RFX6: variants seen among roughly 807,000 people sequenced by gnomAD.
RFX6 encodes DNA-binding protein RFX6.
In RFX6, 50 loss-of-function variants were observed where a neutral mutation model predicts 110.8. That is an observed-to-expected ratio of 0.45 (90% CI 0.36 to 0.57). The LOEUF (loss-of-function observed/expected upper bound fraction) is 0.57. RFX6 is among the 20% of genes least tolerant of loss of function. The pLI is 0.00. For synonymous variants in RFX6, 383 were observed against 411.2 expected (o/e 0.93, Z 0.83); for missense variants, 990 against 1,127.0 (o/e 0.88, Z 1.74).
At chr6:116,890,574 T>C (rs577356796) in intron 4 of RFX6, among the ~76,000 whole-genome samples, 1 of 152,150 alleles carries the variant, frequency 6.6e-6, no homozygotes, top group South Asian at 2.1e-4. Flanking sequence ...GGCATGTATA[T>C]AAGATTGTAT....
intron 6 of RFX6, among the ~76,000 whole-genome samples, chr6:116,901,061 A>C (rs1389743840): frequency 1.3e-5 from 2 of 152,218 alleles, no homozygotes; most frequent in Admixed American, 1.3e-4. Context: ...TTAATAAATT[A>C]TGAGTTATTT....
Position 116,919,260 on chromosome 6 carries a change from T to C in RFX6, c.1146T>C (p.Ser382=). The part of the protein sequence containing the change: ...KIPIVRRFVS[S]LKRQTSFLHL... ...CTATTGTGCGAAGATTTGTATCTTCTCTGAAACGACAAACATCTTTCTTAC... is the reference window on the plus strand; with the variant it reads ...CTATTGTGCGAAGATTTGTATCTTCCCTGAAACGACAAACATCTTTCTTAC... The change falls in exon 11 of 19, where the codon TCT becomes TCC. Residue 382 remains serine (S), a synonymous_variant. Transcript: ENST00000332958. 6.2e-7 allele frequency: 1 copy of C among 1,613,556 alleles called. No individual in the cohort carries two copies. The highest frequency in any genetic ancestry group is 8.5e-7 in the Non-Finnish European group (1 of 1,179,570).
At position 116,919,263 on chromosome 6, in the gene RFX6, G is replaced by C; in HGVS notation, c.1149G>C (p.Leu383=). 6.2e-7 allele frequency: 1 copy of C among 1,613,550 alleles called. No homozygotes were observed. The highest frequency in any genetic ancestry group is 8.5e-7 in the Non-Finnish European group (1 of 1,179,594). The change falls in exon 11 of 19, where the codon CTG becomes CTC. Residue 383 remains leucine, a synonymous_variant. Transcript: ENST00000332958. ...TTGTGCGAAGATTTGTATCTTCTCT[G>C]AAACGACAAACATCTTTCTTACATC... ...IPIVRRFVSS[L]KRQTSFLHLA...
At chr6:116,900,031 G>A (rs919899107) in intron 6 of RFX6, among the ~76,000 whole-genome samples, 4 of 152,084 alleles carry the variant, frequency 2.6e-5, no homozygotes, top group African/African-American at 9.7e-5. Flanking sequence ...AACGCATGAA[G>A]AAAGGAGTAC....
chr6:116,895,088 G>A (rs1774914482), intron 5 of RFX6, 92 bp from the exon 6 acceptor site: 1 of 684,238 alleles, frequency 1.5e-6, no homozygotes, highest in Non-Finnish European at 2.6e-6. Context: ...ATCATGGTAT[G>A]AAATTACTGC....
At chr6:116,927,579 G>A (rs1184906436) in intron 17 of RFX6, 40 bp downstream of exon 17, 2 of 1,552,662 alleles carry the variant, frequency 1.3e-6, no homozygotes, top group African/African-American at 2.7e-5. Context: ...TTTTTGAGAT[G>A]GCAATGAGGC....
intron 7 of RFX6, among the ~76,000 whole-genome samples, chr6:116,915,561 C>G (rs564736813): frequency 6.6e-6 from 1 of 152,178 alleles, no homozygotes; most frequent in African/African-American, 2.4e-5. Context: ...CCATACTGCT[C>G]CAAGCATCCA....
intron 6 of RFX6, among the ~76,000 whole-genome samples, chr6:116,908,669 TAC>T (rs753592440): frequency 0.11 from 11,390 of 102,034 alleles, 461 homozygotes; most frequent in Admixed American, 0.19. Context: ...ATTTCTAGCA[TAC>T]ACACACACAC....
chr6:116,927,997 G>A (rs1434337020), intron 17 of RFX6, among the ~76,000 whole-genome samples: 1 of 150,746 alleles, frequency 6.6e-6, no homozygotes, highest in East Asian at 1.9e-4. Context: ...TCTCTCCTTG[G>A]CTTCCCAAAA....
intron 6 of RFX6, among the ~76,000 whole-genome samples, chr6:116,907,223 G>A (rs188533269): frequency 1.0e-3 from 156 of 151,996 alleles, no homozygotes; most frequent in African/African-American, 3.6e-3. Flanking sequence ...TATTTATGGT[G>A]TGTAATCCTG....
intron 7 of RFX6, 25 bp downstream of exon 7, chr6:116,911,067 T>C (rs1434907851): frequency 6.8e-7 from 1 of 1,467,636 alleles, no homozygotes; most frequent in South Asian, 1.1e-5. Flanking sequence ...TACTTCTCTA[T>C]TGATTTTCTG....
intron 6 of RFX6, among the ~76,000 whole-genome samples, chr6:116,903,950 T>G (rs1335702761): frequency 2.6e-5 from 4 of 152,004 alleles, no homozygotes; most frequent in Non-Finnish European, 5.9e-5. Flanking sequence ...GATATACTCA[T>G]CTTTAACTTT....
At chr6:116,931,269 C>A in intron 18 of RFX6, 62 bp from the exon 19 acceptor site, 1 of 1,212,910 alleles carries the variant, frequency 8.2e-7, no homozygotes, top group Non-Finnish European at 1.2e-6. Flanking sequence ...AAATGAGTGG[C>A]ATTTGCAGAG....
chr6:116,889,850 A>G (rs558866749), intron 4 of RFX6, among the ~76,000 whole-genome samples: 51 of 152,222 alleles, frequency 3.4e-4, no homozygotes, highest in African/African-American at 1.2e-3. Flanking sequence ...TTTGTGACAC[A>G]TTGTTATTTT....
intron 4 of RFX6, among the ~76,000 whole-genome samples, chr6:116,882,851 C>G (rs1219585563): frequency 6.6e-6 from 1 of 152,088 alleles, no homozygotes; most frequent in African/African-American, 2.4e-5. Context: ...ATATCTCCTT[C>G]TCTTCTCTTT....
chr6:116,880,864 TAGA>T (rs1774576306), intron 3 of RFX6, among the ~76,000 whole-genome samples, 197 bp downstream of exon 3: 1 of 152,028 alleles, frequency 6.6e-6, no homozygotes, highest in Non-Finnish European at 1.5e-5. Context: ...CCCTAACTAT[TAGA>T]AGATCTAATG....
In RFX6 at chr6:116,925,457, G is replaced by C. The variant is rs370780926; in HGVS notation, c.1683G>C (p.Ala561=). 21 of 1,613,226 alleles carry C rather than the reference G, an allele frequency of 1.3e-5. No individual in the cohort carries two copies. The highest frequency in any genetic ancestry group is 5.0e-5 in the Admixed American group (3 of 60,000). ...CATTTTAAAAACTCTTTCCAGATGC[G>C]AGTAAAGCTGCTTTCACTGCTTCTC... ...LLDKYMKNSD[A]SKAAFTASPS... is the part of the protein sequence containing the mutation. The change falls in exon 16 of 19, where the codon GCG becomes GCC. Residue 561 remains alanine, a synonymous_variant. Transcript: ENST00000332958.
At chr6:116,911,336 C>T (rs1219968077) in intron 7 of RFX6, among the ~76,000 whole-genome samples, 1 of 152,090 alleles carries the variant, frequency 6.6e-6, no homozygotes, top group African/African-American at 2.4e-5. Context: ...ATGTGGCTGT[C>T]ACATACACTT....
At chr6:116,906,330 G>C (rs1313160767) in intron 6 of RFX6, among the ~76,000 whole-genome samples, 2 of 152,088 alleles carry the variant, frequency 1.3e-5, no homozygotes, top group Non-Finnish European at 1.5e-5. Flanking sequence ...TCTTTTTCAA[G>C]ATTTTTGGCT....
Sources: gnomAD v4.1 joint callset for allele counts (sites outside exome capture counted in the v4.1 genomes callset) on GRCh38, gnomAD v4.1.1 for gene constraint, MANE v1.5 for transcripts, NCBI Gene and HGNC (gene_info 2026-07-23, HGNC 2026-07-21) for gene names.